Variants in OTUB1 observed in about 807,000 individuals in gnomAD.
OTUB1 encodes the protein OTU deubiquitinase, ubiquitin aldehyde binding 1, also known as ubiquitin thioesterase OTUB1.
A neutral mutation model predicts 35.8 loss-of-function variants in OTUB1; 10 were observed. The observed-to-expected ratio is 0.28, with a 90% confidence interval of 0.17 to 0.47. The LOEUF (loss-of-function observed/expected upper bound fraction) is 0.47. Among genes scored for constraint, OTUB1 ranks in the 20% least tolerant of loss-of-function variants. The pLI is 0.99. For missense variants in OTUB1, 264 were observed against 351.6 expected, an observed-to-expected ratio of 0.75 and a Z score of 1.99; for synonymous variants, 158 against 143.8, an observed-to-expected ratio of 1.10 and a Z score of -0.71.
rs527280982 is a variant in OTUB1, at chr11:63,986,527, G to A, written c.58+13G>A. ...AGCGACTCCGAAGGTACAGATCCAA[G>A]GAGGGATGTCCGGCCCGGGCTAGTG... On this transcript the variant is annotated intron_variant, in intron 1 of 6. Transcript: ENST00000538426. 3 of 1,543,286 alleles carry A rather than the reference G, an allele frequency of 1.9e-6. No individual in the cohort carries two copies. The highest frequency in any genetic ancestry group is 2.5e-5 in the East Asian group (1 of 40,630).
intron 3 of OTUB1, among the ~76,000 whole-genome samples, chr11:63,995,798 A>G (rs968506678): frequency 6.6e-6 from 1 of 151,938 alleles, no homozygotes. Flanking sequence ...GGTAGGAGCA[A>G]GATGGGTAGG....
Position 63,997,015 on chromosome 11 carries a change from C to T in OTUB1, c.424-35C>T, listed in dbSNP as rs781294078. 4 of 1,612,170 alleles carry T rather than the reference C, an allele frequency of 2.5e-6. No individual in the cohort carries two copies. In the South Asian group the frequency reaches 3.3e-5, roughly 13 times the overall value. ...CTGGTGAGGACCACCCATCTCCTCC[C>T]CGTCATCTTGCCCTTTCTCCCTCCG... On this transcript the variant is annotated intron_variant, in intron 5 of 6. Coordinates refer to ENST00000538426, the MANE Select transcript of OTUB1 (RefSeq NM_017670.3).
chr11:63,996,746 G>C, intron 4 of OTUB1, 98 bp downstream of exon 4: 5 of 1,609,944 alleles, frequency 3.1e-6, no homozygotes, highest in Non-Finnish European at 4.2e-6. Context: ...CCTCCTTCCC[G>C]GGCGATGGGC....
rs1436275463 is a variant in OTUB1 at position 63,996,588 on chromosome 11, A to G, written c.278A>G (p.Tyr93Cys). 8 of 1,614,090 alleles carry G rather than the reference A, an allele frequency of 5.0e-6. No individual in the cohort carries two copies. The highest frequency in any genetic ancestry group is 2.2e-5 in the East Asian group (1 of 44,890). ...RKTRPDGNCF[Y>C]RAFGFSHLEA... ...ACCAGGCCTGACGGCAACTGTTTCT[A>G]TCGGGCTTTCGGATTCTCCCACTTG... is the stretch of plus-strand genomic sequence containing the variant. The change falls in exon 4 of 7, where the codon TAT becomes TGT. Residue 93 changes from tyrosine (Y) to cysteine (C), a missense_variant. Coordinates refer to ENST00000538426, the MANE Select transcript of OTUB1 (RefSeq NM_017670.3).
rs1333945251 is a variant in OTUB1, at chr11:63,997,999, G to A, written c.*453G>A. On this transcript the variant is annotated 3_prime_UTR_variant, in exon 7 of 7. Coordinates refer to ENST00000538426, the MANE Select transcript of OTUB1 (RefSeq NM_017670.3). Reference sequence around the variant, plus strand: ...CTCATAGGCCCCACCTCCACGTCCCGGCTGGGCCCCAGACCCCAGCTTCCT... The same window carrying A: ...CTCATAGGCCCCACCTCCACGTCCCAGCTGGGCCCCAGACCCCAGCTTCCT... The A allele has an allele frequency of 2.0e-5, 11 of 548,474 alleles. No individual in the cohort carries two copies. The highest frequency in any genetic ancestry group is 6.5e-5 in the South Asian group (3 of 46,318). 34.0% of individuals were successfully genotyped at this position (548,474 alleles called of 1,614,324 possible). A position where few individuals can be genotyped will look rare whatever the true frequency, so the allele number is the denominator to read the frequency against.
At chr11:63,991,248 G>A (rs1055981618) in intron 3 of OTUB1, among the ~76,000 whole-genome samples, 2 of 152,200 alleles carry the variant, frequency 1.3e-5, no homozygotes, top group Non-Finnish European at 2.9e-5. Flanking sequence ...TGAAGGAGAT[G>A]TTACGGGCGG....
chr11:63,986,795 A>G, intron 1 of OTUB1: 1 of 403,218 alleles, frequency 2.5e-6, no homozygotes, highest in Non-Finnish European at 4.4e-6. Flanking sequence ...CCTCTGCCCA[A>G]CCCCTCGGCT....
At chr11:63,990,585 T>TAAAAAAAAAAAAAAAAAAAAAAA (rs774764039) in intron 3 of OTUB1, 4 of 125,092 alleles carry the variant, frequency 3.2e-5, no homozygotes, top group African/African-American at 1.3e-4. Context: ...ACCTGTCTCT[T>TAAAAAAAAAAAAAAAAAAAAAAA]AAAAAAATAA....
In OTUB1 at chr11:63,997,944, TCCCAGGGC is replaced by T. The variant is rs1479586153; in HGVS notation, c.*400_*407del. The T allele has an allele frequency of 1.7e-6, 1 of 594,048 alleles. No homozygotes were observed. Among genetic ancestry groups the T allele is most frequent in the East Asian group, 2.8e-5 (1 of 35,814 alleles). The allele number at this position is 594,048 out of a possible 1,614,324, so 36.8% of individuals were successfully genotyped here. On this transcript the variant is annotated 3_prime_UTR_variant, in exon 7 of 7. Coordinates refer to ENST00000538426, the MANE Select transcript of OTUB1 (RefSeq NM_017670.3). ...AAGTTCCTTAGGGACTTGCCCAGGG[TCCCAGGGC>T]CACCCACACTTCATCTGCTCCCTCA... is the stretch of plus-strand genomic sequence containing the variant.
At chr11:63,996,815 CGAG>C (rs1565186664) in intron 4 of OTUB1, 39 bp from the exon 5 acceptor site, 2 of 1,613,220 alleles carry the variant, frequency 1.2e-6, no homozygotes, top group Admixed American at 3.3e-5. Flanking sequence ...CTGGGCTGGT[CGAG>C]GAGCCCATGC....
chr11:63,986,791 C>A (rs1184566464), intron 1 of OTUB1: 3 of 419,794 alleles, frequency 7.1e-6, no homozygotes, highest in Non-Finnish European at 8.4e-6. Flanking sequence ...CCGCCCTCTG[C>A]CCAACCCCTC....
rs768585519 is a variant in OTUB1 at position 63,988,383 on chromosome 11, C to T, written c.105C>T (p.Asp35=). 2.6e-6 allele frequency: 4 copies of T among 1,553,882 alleles called. No homozygotes were observed. The South Asian group carries it at 3.6e-5, about 14-fold the overall frequency. ...ATGAAGCCATCATGGCTCAGCAGGA[C>T]CGAATTCAGCAAGAGGTGAGGGGCT... ...AYDEAIMAQQ[D]RIQQEIAVQN... Residue 35 remains aspartate (D), a synonymous_variant, in exon 2 of 7, where the codon GAC becomes GAT. Transcript: ENST00000538426.
chr11:63,988,259 C>T lies in OTUB1; in HGVS notation c.59-78C>T, dbSNP rs1049516159. On this transcript the variant is annotated intron_variant, in intron 1 of 6. Coordinates refer to ENST00000538426, the MANE Select transcript of OTUB1 (RefSeq NM_017670.3). ...AGCCTGTCTTCCTGACCCTGGGCTG[C>T]TCTTGTCCCTGGCCCAGCTGCCTGC... is the stretch of plus-strand genomic sequence containing the variant. 4.1e-6 allele frequency: 5 copies of T among 1,213,966 alleles called. No homozygotes were observed. The African/African-American group carries it at 6.0e-5, about 15-fold the overall frequency. 75.2% of individuals were successfully genotyped at this position (1,213,966 alleles called of 1,614,324 possible).
At chr11:63,994,687 G>T (rs1272588613) in intron 3 of OTUB1, among the ~76,000 whole-genome samples, 1 of 152,216 alleles carries the variant, frequency 6.6e-6, no homozygotes, top group Non-Finnish European at 1.5e-5. Context: ...GAGGGTGGGG[G>T]CGCCAGCCCA....
chr11:63,988,427 A>G, intron 2 of OTUB1, 29 bp downstream of exon 2: 1 of 1,546,932 alleles, frequency 6.5e-7, no homozygotes, highest in Non-Finnish European at 8.8e-7. Context: ...CGAGGGAGGC[A>G]GTGGCCAGCA....
chr11:63,988,259 C>G, intron 1 of OTUB1, 78 bp from the exon 2 acceptor site: 1 of 1,214,084 alleles, frequency 8.2e-7, no homozygotes, highest in Non-Finnish European at 1.2e-6. Context: ...CCCTGGGCTG[C>G]TCTTGTCCCT....
intron 3 of OTUB1, among the ~76,000 whole-genome samples, chr11:63,994,126 A>G (rs965312957): frequency 1.3e-5 from 2 of 152,012 alleles, no homozygotes; most frequent in African/African-American, 2.4e-5. Flanking sequence ...GCCCTGTCTC[A>G]GAAAAGAAAA....
At chr11:63,986,811 C>T (rs1391260834) in intron 1 of OTUB1, 1 of 386,086 alleles carries the variant, frequency 2.6e-6, no homozygotes, top group Non-Finnish European at 4.6e-6. Flanking sequence ...CGGCTCCTGG[C>T]TCCAGGGGCC....
In OTUB1 at chr11:63,986,476, A is replaced by G. The variant is rs894020534; in HGVS notation, c.20A>G (p.Gln7Arg). 3 of 1,554,644 alleles carry G rather than the reference A, an allele frequency of 1.9e-6. No individual in the cohort carries two copies. Among genetic ancestry groups the G allele is most frequent in the Admixed American group, 1.9e-5 (1 of 51,470 alleles). Residue 7 changes from glutamine (Q) to arginine (R), a missense_variant, in exon 1 of 7, where the codon CAG becomes CGG. Physicochemically the swap from Gln to Arg is conservative, Grantham distance 43 (BLOSUM62 1). Transcript: ENST00000538426. MAAEEP[Q>R]QQKQEPLGSD... ...TTAAAGATGGCGGCGGAGGAACCTCAGCAGCAGAAGCAGGAGCCGCTGGGC... is the reference window on the plus strand; with the variant it reads ...TTAAAGATGGCGGCGGAGGAACCTCGGCAGCAGAAGCAGGAGCCGCTGGGC...
Sources: allele counts gnomAD v4.1 joint callset (sites outside exome capture counted in the v4.1 genomes callset), GRCh38; gene constraint gnomAD v4.1.1; transcripts MANE v1.5; gene names NCBI Gene and HGNC (gene_info 2026-07-23, HGNC 2026-07-21).